Variants in ATRNL1 observed in about 807,000 individuals in gnomAD.
ATRNL1 encodes the protein attractin like 1.
A neutral mutation model predicts 182.7 loss-of-function variants in ATRNL1; 95 were observed. That is an observed-to-expected ratio of 0.52 (90% CI 0.44 to 0.62). The LOEUF (loss-of-function observed/expected upper bound fraction) is 0.62. ATRNL1 is among the 20% of genes least tolerant of loss of function. The pLI, the probability that ATRNL1 is intolerant of heterozygous loss-of-function variation, is 0.00. For synonymous variants in ATRNL1, 576 were observed against 568.3 expected (o/e 1.01, Z -0.19); for missense variants, 1,471 against 1,679.5 (o/e 0.88, Z 2.17).
chr10:115,482,895 C>T (rs909283823), intron 24 of ATRNL1, among the ~76,000 whole-genome samples: 1 of 151,132 alleles, frequency 6.6e-6, no homozygotes, highest in South Asian at 2.1e-4. Context: ...TTGAATAATT[C>T]GTTTACATAT....
intron 27 of ATRNL1, among the ~76,000 whole-genome samples, chr10:115,775,899 A>G (rs1460520068): frequency 1.3e-5 from 2 of 150,432 alleles, no homozygotes; most frequent in Non-Finnish European, 3.0e-5. Flanking sequence ...CGGAGGTTGC[A>G]GTGAGCCGAG....
intron 28 of ATRNL1, among the ~76,000 whole-genome samples, chr10:115,926,437 C>CA (rs1184379828): frequency 2.3e-4 from 34 of 150,382 alleles, no homozygotes; most frequent in African/African-American, 5.4e-4. Context: ...GATAGAGACA[C>CA]AAAAAAAACC....
At chr10:115,663,744 A>C (rs1860838454) in intron 26 of ATRNL1, among the ~76,000 whole-genome samples, 1 of 152,034 alleles carries the variant, frequency 6.6e-6, no homozygotes, top group Non-Finnish European at 1.5e-5. Flanking sequence ...AAAAAATCGC[A>C]TTGGCTTGTG....
At chr10:115,199,305 C>CT (rs1554891750) in intron 8 of ATRNL1, among the ~76,000 whole-genome samples, 3 of 151,898 alleles carry the variant, frequency 2.0e-5, no homozygotes. Flanking sequence ...GGTGCAGTGG[C>CT]TCCTGTAATC....
intron 26 of ATRNL1, among the ~76,000 whole-genome samples, chr10:115,560,259 A>G (rs1853618846): frequency 6.6e-6 from 1 of 152,208 alleles, no homozygotes; most frequent in African/African-American, 2.4e-5. Context: ...TAATTTGTAA[A>G]GAAAAGAGGC....
At chr10:115,132,278 G>T (rs546458219) in intron 5 of ATRNL1, among the ~76,000 whole-genome samples, 1 of 152,304 alleles carries the variant, frequency 6.6e-6, no homozygotes, top group East Asian at 1.9e-4. Flanking sequence ...TTTTATGGCT[G>T]TATAGTATTC....
chr10:115,802,997 A>G (rs1361877654), intron 27 of ATRNL1, among the ~76,000 whole-genome samples: 2 of 152,186 alleles, frequency 1.3e-5, no homozygotes, highest in African/African-American at 4.8e-5. Context: ...TAACAATTTT[A>G]GAAGACTTGT....
intron 20 of ATRNL1, among the ~76,000 whole-genome samples, chr10:115,413,064 G>C (rs7069988): frequency 0.012 from 1,789 of 152,222 alleles, 34 homozygotes; most frequent in African/African-American, 0.04. Flanking sequence ...ATTTATAACA[G>C]GTTAGCACAG....
At chr10:115,352,177 T>C (rs1340407393) in intron 19 of ATRNL1, among the ~76,000 whole-genome samples, 6 of 152,038 alleles carry the variant, frequency 3.9e-5, no homozygotes, top group African/African-American at 1.4e-4. Flanking sequence ...TTTCATTTCT[T>C]AATTATGTTC....
intron 26 of ATRNL1, among the ~76,000 whole-genome samples, chr10:115,695,533 G>A (rs1364107998): frequency 1.3e-5 from 2 of 152,084 alleles, no homozygotes; most frequent in African/African-American, 4.8e-5. Flanking sequence ...CCCACGAGGA[G>A]TAAATGTGAT....
intron 19 of ATRNL1, among the ~76,000 whole-genome samples, chr10:115,377,812 G>A (rs1312943108): frequency 6.6e-6 from 1 of 152,152 alleles, no homozygotes; most frequent in African/African-American, 2.4e-5. Context: ...TTCTGTGGTA[G>A]GGTCTGAAGA....
At chr10:115,440,049 T>G (rs1415882901) in intron 21 of ATRNL1, among the ~76,000 whole-genome samples, 1 of 151,956 alleles carries the variant, frequency 6.6e-6, no homozygotes, top group Non-Finnish European at 1.5e-5. Flanking sequence ...TATTTAATTT[T>G]ATGATTTATA....
At chr10:115,190,256 G>GTT (rs34290684) in intron 8 of ATRNL1, among the ~76,000 whole-genome samples, 12 of 148,830 alleles carry the variant, frequency 8.1e-5, no homozygotes, top group Non-Finnish European at 1.8e-4. Context: ...AATTGTATAC[G>GTT]TTTTTTTTAC....
intron 5 of ATRNL1, among the ~76,000 whole-genome samples, chr10:115,138,349 G>A (rs1845610705): frequency 6.6e-6 from 1 of 152,222 alleles, no homozygotes; most frequent in East Asian, 1.9e-4. Flanking sequence ...ACTCTGTGTG[G>A]GGGTCCAACC....
intron 24 of ATRNL1, among the ~76,000 whole-genome samples, chr10:115,511,054 A>G (rs898314306): frequency 6.6e-6 from 1 of 152,014 alleles, no homozygotes; most frequent in African/African-American, 2.4e-5. Context: ...TCAGAATAAT[A>G]TGCTATAATA....
At chr10:115,607,318 T>C (rs1256247338) in intron 26 of ATRNL1, among the ~76,000 whole-genome samples, 1 of 151,910 alleles carries the variant, frequency 6.6e-6, no homozygotes, top group Non-Finnish European at 1.5e-5. Context: ...AAAATATAAC[T>C]TGAGATAGAC....
chr10:115,573,391 T>G (rs1752763483), intron 26 of ATRNL1, among the ~76,000 whole-genome samples: 1 of 151,730 alleles, frequency 6.6e-6, no homozygotes, highest in Admixed American at 6.6e-5. Context: ...CTCATCAATG[T>G]CCTCACTTGC....
intron 5 of ATRNL1, among the ~76,000 whole-genome samples, chr10:115,150,118 C>T (rs1178674974): frequency 1.3e-5 from 2 of 151,742 alleles, no homozygotes; most frequent in African/African-American, 4.8e-5. Flanking sequence ...CTATGTTTTC[C>T]AGTTTGTTAG....
At chr10:115,393,416 T>A (rs1554954809) in intron 19 of ATRNL1, among the ~76,000 whole-genome samples, 1 of 152,140 alleles carries the variant, frequency 6.6e-6, no homozygotes, top group Non-Finnish European at 1.5e-5. Flanking sequence ...GGAAGAAAAA[T>A]AATGAAAAAG....
Sources: gnomAD v4.1 joint callset for allele counts (sites outside exome capture counted in the v4.1 genomes callset) on GRCh38, gnomAD v4.1.1 for gene constraint, MANE v1.5 for transcripts, NCBI Gene and HGNC (gene_info 2026-07-23, HGNC 2026-07-21) for gene names.